The following GLI3 variants were observed in gnomAD, a reference collection of about 807,000 sequenced individuals.
The protein encoded by GLI3 is GLI family zinc finger 3, also known as transcription activator GLI3.
Under a neutral mutation model 100.8 loss-of-function variants are expected in GLI3, and 20 were observed. The ratio of observed to expected loss-of-function variants is 0.20; its 90% CI spans 0.14 to 0.29. GLI3 has a LOEUF of 0.29. Ranked by LOEUF, GLI3 falls within the 10% of genes least tolerant of loss-of-function variation. GLI3 has a pLI of 1.00. For missense variants in GLI3, 2,040 were observed against 2,128.5 expected (o/e 0.96, Z 0.82); for synonymous variants, 938 against 860.5 (o/e 1.09, Z -1.58).
intron 4 of GLI3, among the ~76,000 whole-genome samples, chr7:42,056,253 T>C (rs1419602168): frequency 2.0e-5 from 3 of 152,236 alleles, no homozygotes; most frequent in African/African-American, 7.2e-5. Flanking sequence ...ATTTCTGCAC[T>C]TGGGAGAGAT....
At chr7:42,031,096 G>T (rs1188200285) in intron 7 of GLI3, among the ~76,000 whole-genome samples, 1 of 152,108 alleles carries the variant, frequency 6.6e-6, no homozygotes, top group Admixed American at 6.5e-5. Flanking sequence ...TGGTACCTGT[G>T]CTTCCCATCC....
chr7:42,084,901 CTTTTTTTTTTTTT>C (rs747166719), intron 3 of GLI3, among the ~76,000 whole-genome samples: 2 of 47,502 alleles, frequency 4.2e-5, no homozygotes, highest in African/African-American at 1.0e-4. Flanking sequence ...CATTTGGATT[CTTTTTTTTTTTTT>C]TTTTTTTTTT....
At chr7:42,002,121 G>GC (rs1788320616) in intron 10 of GLI3, among the ~76,000 whole-genome samples, 1 of 151,694 alleles carries the variant, frequency 6.6e-6, no homozygotes, top group Admixed American at 6.6e-5. Flanking sequence ...AATTGAGAGG[G>GC]CACACAAAAA....
upstream of GLI3, among the ~76,000 whole-genome samples, chr7:42,241,307 C>G (rs151218507): frequency 1.3e-5 from 2 of 152,288 alleles, no homozygotes; most frequent in East Asian, 3.9e-4. Context: ...AAAATAATGA[C>G]CTTTCCCAAG....
chr7:41,972,003 C>CA lies in GLI3; in HGVS notation c.2103+333dup. ...CCTATTTACCTTGGGGTCACCAGGG[C>CA]AAAGAAGACAGAAAGCATGTTTACA... is the stretch of plus-strand genomic sequence containing the variant. On this transcript the variant is annotated intron_variant, in intron 13 of 14. Transcript: ENST00000395925. This position sits in a 1 kb window ranked among gnomAD's most constrained non-coding sequence, Gnocchi z 4.4. 6.6e-6 allele frequency among the ~76,000 whole-genome samples: 1 copy of CA among 152,290 alleles called. No homozygotes were observed. The highest frequency in any genetic ancestry group is 2.1e-4 in the South Asian group (1 of 4,826).
intron 4 of GLI3, among the ~76,000 whole-genome samples, chr7:42,061,837 G>C (rs1303095234): frequency 6.6e-6 from 1 of 152,238 alleles, no homozygotes; most frequent in Non-Finnish European, 1.5e-5. Context: ...TTCTACATAA[G>C]GGGATACTTT....
At chr7:42,126,000 C>A (rs924811678) in intron 3 of GLI3, among the ~76,000 whole-genome samples, 1 of 152,102 alleles carries the variant, frequency 6.6e-6, no homozygotes, top group Non-Finnish European at 1.5e-5. Flanking sequence ...GAAAAAACAG[C>A]AGCACACAAA....
chr7:42,253,229 C>A lies in GLI3; in HGVS notation c.-43+10765G>T, dbSNP rs369223078. On this transcript the variant is annotated intron_variant, in intron 1 of 2. Coordinates refer to the GLI3 transcript ENST00000678978. ...TCAGCATCTTGGGAGGCTCACTGTG[C>A]CCCTGGTGCACCTGGAATATGAACT... Among the ~76,000 whole-genome samples, 3 of 152,318 alleles carry A rather than the reference C, an allele frequency of 2.0e-5. No individual in the cohort carries two copies. In the East Asian group the frequency reaches 5.8e-4, roughly 29 times the overall value.
intron 3 of GLI3, among the ~76,000 whole-genome samples, chr7:42,119,689 C>T (rs558339715): frequency 3.9e-5 from 6 of 152,256 alleles, no homozygotes; most frequent in East Asian, 3.9e-4. Context: ...ACAAGGGTGA[C>T]GGTTTGGCAG....
chr7:41,968,943 C>G (rs796944267), intron 13 of GLI3, among the ~76,000 whole-genome samples: 1 of 152,094 alleles, frequency 6.6e-6, no homozygotes, highest in East Asian at 1.9e-4. Flanking sequence ...ATGCTGCAAA[C>G]AATGGAATCT....
At chr7:42,102,961 T>C (rs1562731048) in intron 3 of GLI3, among the ~76,000 whole-genome samples, 1 of 152,244 alleles carries the variant, frequency 6.6e-6, no homozygotes, top group Non-Finnish European at 1.5e-5. Flanking sequence ...AGATAGATGC[T>C]GAGTTAATCA....
intron 2 of GLI3, among the ~76,000 whole-genome samples, chr7:42,201,790 A>G (rs1562784097): frequency 6.6e-6 from 1 of 152,124 alleles, no homozygotes; most frequent in Admixed American, 6.5e-5. Context: ...AGTACAGTAA[A>G]AGTACCGTAT....
In GLI3 at chr7:42,223,727, G is replaced by A. The variant is rs542231194; in HGVS notation, c.-42-432C>T. 2.6e-5 allele frequency among the ~76,000 whole-genome samples: 4 copies of A among 152,292 alleles called. No homozygotes were observed. In the South Asian group the frequency reaches 8.3e-4, roughly 32 times the overall value. The stretch of plus-strand genomic sequence containing the variant: ...AGGGAAGGTTTTTAATTATTAATTA[G>A]ATGTTTTAAAGAGAGTCCGACAATT... On this transcript the variant is annotated intron_variant, in intron 1 of 14. Transcript: ENST00000395925.
At chr7:42,227,160 T>G (rs1340581030) in intron 1 of GLI3, among the ~76,000 whole-genome samples, 1 of 152,206 alleles carries the variant, frequency 6.6e-6, no homozygotes, top group Admixed American at 6.5e-5. Context: ...ATGATACTTT[T>G]TCCCCCGACA....
intron 2 of GLI3, among the ~76,000 whole-genome samples, chr7:42,198,831 A>T (rs1787981439): frequency 6.6e-6 from 1 of 152,168 alleles, no homozygotes; most frequent in Admixed American, 6.5e-5. Flanking sequence ...GCAGAAAAAA[A>T]ATGTTAGATG....
upstream of GLI3, among the ~76,000 whole-genome samples, chr7:42,239,894 G>T (rs1000671537): frequency 9.8e-5 from 15 of 152,296 alleles, no homozygotes; most frequent in African/African-American, 3.4e-4. Context: ...GTTAAATAAT[G>T]TCATAATGCA....
intron 3 of GLI3, among the ~76,000 whole-genome samples, chr7:42,133,023 C>T (rs1175288440): frequency 1.3e-5 from 2 of 152,164 alleles, no homozygotes; most frequent in Non-Finnish European, 2.9e-5. Flanking sequence ...TAATCCTCTG[C>T]ACCAAAACCC....
intron 11 of GLI3, chr7:41,977,943 T>C: frequency 2.1e-6 from 1 of 471,576 alleles, no homozygotes; most frequent in Non-Finnish European, 3.6e-6. Context: ...GTCCTGAAGT[T>C]TTTTTTTTTA....
chr7:42,108,161 C>T (rs981610085), intron 3 of GLI3, among the ~76,000 whole-genome samples: 1 of 152,198 alleles, frequency 6.6e-6, no homozygotes, highest in African/African-American at 2.4e-5. Flanking sequence ...CCTCCAGATG[C>T]TTCCAAGGAC....
Sources: allele counts gnomAD v4.1 joint callset (sites outside exome capture counted in the v4.1 genomes callset), GRCh38; gene constraint gnomAD v4.1.1; non-coding constraint Gnocchi (gnomAD v3.1); transcripts MANE v1.5; gene names NCBI Gene and HGNC (gene_info 2026-07-23, HGNC 2026-07-21).